Variants in CDKL5 observed in about 807,000 individuals in gnomAD.
CDKL5 encodes the protein cyclin-dependent kinase-like 5.
In CDKL5, 8 loss-of-function variants were observed where a neutral mutation model predicts 61.7. The ratio of observed to expected loss-of-function variants is 0.13; its 90% CI spans 0.08 to 0.23. The LOEUF is 0.23. Among genes scored for constraint, CDKL5 ranks in the 10% least tolerant of loss-of-function variants. The probability of loss-of-function intolerance (pLI) is 1.00; values close to 1 mark genes in which losing one functional copy is unlikely to be tolerated. For synonymous variants in CDKL5, 275 were observed against 272.3 expected (o/e 1.01, Z -0.10); for missense variants, 440 against 734.5 (o/e 0.60, Z 4.63).
At chrX:18,456,987 G>T (rs753784251) in intron 1 of CDKL5, among the ~76,000 whole-genome samples, 11 of 109,742 alleles carry the variant, frequency 1.0e-4, no homozygotes, top group Non-Finnish European at 2.1e-4. Flanking sequence ...TCGTTTCTTT[G>T]CACTATAGTT....
rs998422045 is a variant in CDKL5 at position 18,634,545 on chromosome X, G to A, written c.*5788G>A. On this transcript the variant is annotated 3_prime_UTR_variant, in exon 18 of 18. Coordinates refer to ENST00000623535, the MANE Select transcript of CDKL5 (RefSeq NM_001323289.2). ...AATGTGTAAGTAAGTTCTCCAGCAC[G>A]GCTTAGGTTTTCCAAAATGGAAAGC... The A allele has an allele frequency of 1.2e-5, 9 of 754,268 alleles. 1 individual carries two copies. Among genetic ancestry groups the A allele is most frequent in the East Asian group, 3.0e-4 (2 of 6,653 alleles). 62.2% of individuals were successfully genotyped at this position (754,268 alleles called of 1,213,427 possible).
At chrX:18,436,890 C>T (rs1351280668) in intron 1 of CDKL5, among the ~76,000 whole-genome samples, 5 of 66,178 alleles carry the variant, frequency 7.6e-5, no homozygotes, top group Non-Finnish European at 1.3e-4. Context: ...CAGCGAGACT[C>T]TTGACTCAAA....
At position 18,503,895 on chromosome X, in the gene CDKL5, A is replaced by G. The variant is rs770836569; in HGVS notation, c.-162-3040A>G. On this transcript the variant is annotated intron_variant, in intron 1 of 17. Coordinates refer to ENST00000623535, the MANE Select transcript of CDKL5 (RefSeq NM_001323289.2). ...GTAGCTGGGACTACAGGCGTGCACA[A>G]CCACACCCGGCTAGTTTTTGTAGTT... 2.8e-3 allele frequency among the ~76,000 whole-genome samples: 301 copies of G among 109,066 alleles called. 1 individual carries two copies. The highest frequency in any genetic ancestry group is 4.9e-3 in the Non-Finnish European group (258 of 52,447). 94.7% of individuals were successfully genotyped at this position (109,066 alleles called of 115,157 possible).
At chrX:18,505,554 C>T (rs982516630) in intron 1 of CDKL5, among the ~76,000 whole-genome samples, 1 of 112,000 alleles carries the variant, frequency 8.9e-6, no homozygotes, top group African/African-American at 3.2e-5. Flanking sequence ...CTTTCATGAC[C>T]TTGACATTTT....
chrX:18,477,728 A>G (rs964232852), intron 1 of CDKL5, among the ~76,000 whole-genome samples: 3 of 111,486 alleles, frequency 2.7e-5, no homozygotes, highest in Non-Finnish European at 5.6e-5. Flanking sequence ...ATGTAGCTCT[A>G]TTCTCTCTTC....
At chrX:18,501,543 A>ATTTT (rs1569196803) in intron 1 of CDKL5, among the ~76,000 whole-genome samples, 23 of 110,840 alleles carry the variant, frequency 2.1e-4, no homozygotes, top group African/African-American at 6.9e-4. Flanking sequence ...TTTTTTTAAA[A>ATTTT]AATTTTTATT....
chrX:18,521,842 T>C (rs1273536183), intron 3 of CDKL5, among the ~76,000 whole-genome samples: 4 of 112,193 alleles, frequency 3.6e-5, no homozygotes, highest in Admixed American at 9.5e-5. Context: ...TGAAAATCAG[T>C]TGGCCATAGA....
At chrX:18,431,176 A>T (rs1931478014) in intron 1 of CDKL5, among the ~76,000 whole-genome samples, 1 of 111,272 alleles carries the variant, frequency 9.0e-6, no homozygotes, top group East Asian at 2.8e-4. Context: ...ATTTTTTTTT[A>T]AAACAAGACC....
intron 12 of CDKL5, among the ~76,000 whole-genome samples, chrX:18,608,036 C>G (rs750929411): frequency 6.2e-4 from 70 of 112,125 alleles, no homozygotes; most frequent in African/African-American, 2.2e-3. Flanking sequence ...CGAACTCCTT[C>G]TAATGACTTG....
chrX:18,480,530 C>A (rs1437740472), intron 1 of CDKL5, among the ~76,000 whole-genome samples: 1 of 111,552 alleles, frequency 9.0e-6, no homozygotes, highest in Non-Finnish European at 1.9e-5. Flanking sequence ...TTACTATGTG[C>A]AGCCCACATT....
intron 1 of CDKL5, among the ~76,000 whole-genome samples, chrX:18,504,842 A>G (rs1046180589): frequency 1.0e-4 from 11 of 108,326 alleles, no homozygotes; most frequent in African/African-American, 3.7e-4. Context: ...CTGAGGCAGG[A>G]GAATGGTGTG....
intron 1 of CDKL5, among the ~76,000 whole-genome samples, chrX:18,475,822 G>T (rs1344311855): frequency 8.9e-6 from 1 of 111,745 alleles, no homozygotes; most frequent in African/African-American, 3.2e-5. Flanking sequence ...TAATGTTTGT[G>T]GTTATTGCTC....
intron 3 of CDKL5, among the ~76,000 whole-genome samples, chrX:18,520,148 A>G (rs1051428725): frequency 2.0e-4 from 22 of 112,307 alleles, no homozygotes; most frequent in African/African-American, 7.1e-4. Flanking sequence ...AGTATGTGAC[A>G]TTGAGTACAT....
At chrX:18,528,129 A>G (rs1471400387) in intron 3 of CDKL5, among the ~76,000 whole-genome samples, 2 of 110,648 alleles carry the variant, frequency 1.8e-5, no homozygotes, top group Non-Finnish European at 3.8e-5. Context: ...TAATTGTTCC[A>G]TGTAAGCTTG....
At chrX:18,526,614 C>T (rs1460988777) in intron 3 of CDKL5, among the ~76,000 whole-genome samples, 1 of 111,336 alleles carries the variant, frequency 9.0e-6, no homozygotes, top group African/African-American at 3.3e-5. Flanking sequence ...AAGTTCCTCT[C>T]TATGCCTAGA....
At chrX:18,557,493 T>TTA (rs1924648018) in intron 3 of CDKL5, among the ~76,000 whole-genome samples, 1 of 111,578 alleles carries the variant, frequency 9.0e-6, no homozygotes, top group African/African-American at 3.3e-5. Context: ...GGAATAACTG[T>TTA]TATAACCTTT....
intron 8 of CDKL5, among the ~76,000 whole-genome samples, chrX:18,586,479 T>G (rs1006266876): frequency 2.7e-5 from 3 of 111,704 alleles, no homozygotes; most frequent in African/African-American, 6.5e-5. Flanking sequence ...GAGTATCTGC[T>G]GCTTAATAAT....
intron 16 of CDKL5, among the ~76,000 whole-genome samples, chrX:18,622,593 A>G (rs1207333538): frequency 8.9e-6 from 1 of 112,595 alleles, no homozygotes; most frequent in Non-Finnish European, 1.9e-5. Context: ...ATAAGATTCC[A>G]AAAGAATGAA....
chrX:18,628,289 C>T (rs1927130023), intron 17 of CDKL5, 82 bp from the exon 18 acceptor site: 2 of 1,031,468 alleles, frequency 1.9e-6, no homozygotes, highest in Admixed American at 4.4e-5. Flanking sequence ...ACCCAGTCAC[C>T]TCACCTCTAA....
Sources: allele counts gnomAD v4.1 joint callset (sites outside exome capture counted in the v4.1 genomes callset), GRCh38; gene constraint gnomAD v4.1.1; transcripts MANE v1.5; gene names NCBI Gene and HGNC (gene_info 2026-07-23, HGNC 2026-07-21).